Variants in NR2C2 observed in about 807,000 individuals in gnomAD.
NR2C2 encodes nuclear receptor subfamily 2 group C member 2.
In NR2C2, 6 loss-of-function variants were observed where a neutral mutation model predicts 62.9. The observed-to-expected ratio is 0.10, with a 90% CI of 0.05 to 0.19. NR2C2 has a LOEUF of 0.19. Ranked by LOEUF, NR2C2 falls within the 10% of genes least tolerant of loss-of-function variation. The pLI, the probability that NR2C2 is intolerant of heterozygous loss-of-function variation, is 1.00. For missense variants in NR2C2, 479 were observed against 762.7 expected, an observed-to-expected ratio of 0.63 and a Z score of 4.38; for synonymous variants, 272 against 273.8, an observed-to-expected ratio of 0.99 and a Z score of 0.07.
chr3:14,960,471 G>A (rs2039660341), intron 1 of NR2C2, among the ~76,000 whole-genome samples: 1 of 151,998 alleles, frequency 6.6e-6, no homozygotes, highest in Non-Finnish European at 1.5e-5. Flanking sequence ...TCTGTACTAG[G>A]CCTCTATTAA....
chr3:15,038,984 C>A (rs1447280955), intron 12 of NR2C2, 138 bp from the exon 13 acceptor site: 4 of 662,026 alleles, frequency 6.0e-6, no homozygotes, highest in Non-Finnish European at 1.1e-5. Flanking sequence ...CTAATAATAC[C>A]CAAACTAGAT....
At chr3:15,008,046 A>G (rs1266591910) in intron 2 of NR2C2, among the ~76,000 whole-genome samples, 2 of 152,092 alleles carry the variant, frequency 1.3e-5, no homozygotes, top group Admixed American at 6.5e-5. Context: ...TGGAGAGGCT[A>G]CCTCATCTAA....
chr3:15,026,025 C>CTT (rs553289086), intron 7 of NR2C2: 70 of 145,934 alleles, frequency 4.8e-4, no homozygotes, highest in African/African-American at 1.5e-3. Flanking sequence ...TTTTCTTTTT[C>CTT]TTTTTTTTTT....
chr3:14,957,215 T>A (rs1002156182), intron 1 of NR2C2, among the ~76,000 whole-genome samples: 2 of 152,212 alleles, frequency 1.3e-5, no homozygotes, highest in Non-Finnish European at 2.9e-5. Context: ...ATATGGATGA[T>A]TTGAATCAGT....
Position 15,037,923 on chromosome 3 carries a change from C to G in NR2C2, c.1373-77C>G, listed in dbSNP as rs535195443. The G allele has an allele frequency of 1.1e-4, 157 of 1,408,420 alleles. 1 individual carries two copies. In the South Asian group the frequency reaches 2.0e-3, roughly 18 times the overall value. 87.2% of individuals were successfully genotyped at this position (1,408,420 alleles called of 1,614,324 possible). A position where few individuals can be genotyped will look rare whatever the true frequency, so the allele number is the denominator to read the frequency against. On this transcript the variant is annotated intron_variant, in intron 11 of 13. Transcript: ENST00000425241. ...AAAAGTGAAATGGTCCCATTTCTTT[C>G]CATATGTGGCCCCTCAAATAAGCTG... is the stretch of plus-strand genomic sequence containing the variant.
chr3:14,970,264 C>CGGGGGTG (rs1340946294), intron 1 of NR2C2, among the ~76,000 whole-genome samples: 1 of 17,964 alleles, frequency 5.6e-5, no homozygotes, highest in Non-Finnish European at 1.1e-4. Flanking sequence ...TTTTGGGGGC[C>CGGGGGTG]GGGGGTGGGG....
chr3:14,976,498 G>C (rs1383332184), intron 1 of NR2C2, among the ~76,000 whole-genome samples: 1 of 151,458 alleles, frequency 6.6e-6, no homozygotes, highest in Non-Finnish European at 1.5e-5. Flanking sequence ...ACCTCCTGCT[G>C]TAGTCCCTAC....
At chr3:15,036,547 AG>A (rs1222828590) in intron 11 of NR2C2, among the ~76,000 whole-genome samples, 4 of 152,130 alleles carry the variant, frequency 2.6e-5, no homozygotes, top group Non-Finnish European at 5.9e-5. Context: ...GCTGGAGTGC[AG>A]TAGCAATCAT....
intron 9 of NR2C2, among the ~76,000 whole-genome samples, chr3:15,031,414 TG>T (rs2041977652): frequency 6.6e-6 from 1 of 151,914 alleles, no homozygotes; most frequent in African/African-American, 2.4e-5. Flanking sequence ...AGCGTAGTGA[TG>T]TGATTGTGGC....
At chr3:15,040,008 A>C (rs547345815) in intron 13 of NR2C2, among the ~76,000 whole-genome samples, 7 of 151,566 alleles carry the variant, frequency 4.6e-5, no homozygotes, top group Non-Finnish European at 1.0e-4. Flanking sequence ...AAAAAAAATT[A>C]GCCAGGCACG....
chr3:15,032,927 T>C (rs535474848), intron 10 of NR2C2, among the ~76,000 whole-genome samples: 7 of 152,124 alleles, frequency 4.6e-5, no homozygotes, highest in African/African-American at 1.7e-4. Flanking sequence ...AATTGGCACA[T>C]TGAGTAGTAC....
chr3:15,034,349 CTT>C (rs2042052794), intron 10 of NR2C2: 1 of 211,094 alleles, frequency 4.7e-6, no homozygotes, highest in Non-Finnish European at 9.4e-6. Context: ...GATACCATCT[CTT>C]GGGACAGTCA....
intron 9 of NR2C2, among the ~76,000 whole-genome samples, chr3:15,031,686 C>T (rs2041984120): frequency 6.6e-6 from 1 of 151,966 alleles, no homozygotes; most frequent in Non-Finnish European, 1.5e-5. Flanking sequence ...TACCTTAAGA[C>T]CATCTCCCAA....
intron 1 of NR2C2, among the ~76,000 whole-genome samples, chr3:14,976,918 C>G (rs2040223142): frequency 6.6e-6 from 1 of 151,988 alleles, no homozygotes. Context: ...AAGATCTTTT[C>G]TATTCTGTTC....
Position 15,028,542 on chromosome 3 carries a change from C to T in NR2C2, c.799-44C>T, listed in dbSNP as rs375162542. The T allele has an allele frequency of 2.6e-5, 42 of 1,586,540 alleles. No homozygotes were observed. In the African/African-American group the frequency reaches 4.3e-4, roughly 16 times the overall value. On this transcript the variant is annotated intron_variant, in intron 7 of 13. Transcript: ENST00000425241. ...ACTTCATTGGCCTGAGAGTCATTTGCGTATCTGTGTTCATTTTTAATGTCA... is the reference window on the plus strand; with the variant it reads ...ACTTCATTGGCCTGAGAGTCATTTGTGTATCTGTGTTCATTTTTAATGTCA...
At chr3:15,034,591 G>A (rs1473001677) in intron 10 of NR2C2, 79 bp from the exon 11 acceptor site, 10 of 1,468,810 alleles carry the variant, frequency 6.8e-6, no homozygotes, top group African/African-American at 1.4e-5. Context: ...GGAAATGCTG[G>A]GACTTAGTGC....
chr3:15,045,857 T>A lies in NR2C2; in HGVS notation c.*2849T>A, dbSNP rs962394481. 1.3e-5 allele frequency: 2 copies of A among 152,286 alleles called. No individual in the cohort carries two copies. The highest frequency in any genetic ancestry group is 4.8e-5 in the African/African-American group (2 of 41,442). The allele number at this position is 152,286 out of a possible 1,614,324, so 9.4% of individuals were successfully genotyped here. A position where few individuals can be genotyped will look rare whatever the true frequency, so the allele number is the denominator to read the frequency against. Reference sequence around the variant, plus strand: ...CCTCTTCTACTGGCCTGGCTGCTCCTCCCTCAATGAGGAGAGGCAGCTGGC... The same window carrying A: ...CCTCTTCTACTGGCCTGGCTGCTCCACCCTCAATGAGGAGAGGCAGCTGGC... On this transcript the variant is annotated 3_prime_UTR_variant, in exon 14 of 14. Transcript: ENST00000425241.
Position 15,044,118 on chromosome 3 carries a change from GTGAGGCTGGAT to G in NR2C2, c.*1113_*1123del, listed in dbSNP as rs1350790758. 6.6e-6 allele frequency: 1 copy of G among 152,264 alleles called. No homozygotes were observed. Among genetic ancestry groups the G allele is most frequent in the Non-Finnish European group, 1.5e-5 (1 of 68,110 alleles). 9.4% of individuals were successfully genotyped at this position (152,264 alleles called of 1,614,324 possible). ...GTGTTTCTGCAGCTCCATCATAACT[GTGAGGCTGGAT>G]TGGGGCTGGGCAGGAGCCTGCTGCC... is the stretch of plus-strand genomic sequence containing the variant. On this transcript the variant is annotated 3_prime_UTR_variant, in exon 14 of 14. Coordinates refer to ENST00000425241, the MANE Select transcript of NR2C2 (RefSeq NM_001291694.2).
rs935314182 is a variant in NR2C2, at chr3:15,043,228, G to A, written c.*220G>A. 3 of 374,572 alleles carry A rather than the reference G, an allele frequency of 8.0e-6. No homozygotes were observed. In the South Asian group the frequency reaches 3.9e-4, roughly 48 times the overall value. The allele number at this position is 374,572 out of a possible 1,614,324, so 23.2% of individuals were successfully genotyped here. ...TTTAATGCCTTTTGATGAAGCAGCAGATTTTGGAACAATCTTTTAACTCAA... is the reference window on the plus strand; with the variant it reads ...TTTAATGCCTTTTGATGAAGCAGCAAATTTTGGAACAATCTTTTAACTCAA... On this transcript the variant is annotated 3_prime_UTR_variant, in exon 14 of 14. Coordinates refer to ENST00000425241, the MANE Select transcript of NR2C2 (RefSeq NM_001291694.2).
Sources: allele counts gnomAD v4.1 joint callset (sites outside exome capture counted in the v4.1 genomes callset), GRCh38; gene constraint gnomAD v4.1.1; transcripts MANE v1.5; gene names NCBI Gene and HGNC (gene_info 2026-07-23, HGNC 2026-07-21).